UNC79: variants seen among roughly 807,000 people sequenced by gnomAD.
The protein encoded by UNC79 is protein unc-79 homolog.
Under a neutral mutation model 283.1 loss-of-function variants are expected in UNC79, and 37 were observed. The ratio of observed to expected loss-of-function variants is 0.13; its 90% confidence interval spans 0.10 to 0.17. The LOEUF (loss-of-function observed/expected upper bound fraction) is 0.17, where lower values mean the gene tolerates loss of function less well. Among genes scored for constraint, UNC79 ranks in the 10% least tolerant of loss-of-function variants. The probability of loss-of-function intolerance (pLI) is 1.00; values close to 1 mark genes in which losing one functional copy is unlikely to be tolerated. For synonymous variants in UNC79, 1,107 were observed against 1,200.2 expected (o/e 0.92, Z 1.61); for missense variants, 2,272 against 3,211.1 (o/e 0.71, Z 7.07).
At chr14:93,630,587 G>A (rs1048480795) in intron 30 of UNC79, among the ~76,000 whole-genome samples, 1 of 152,222 alleles carries the variant, frequency 6.6e-6, no homozygotes, top group African/African-American at 2.4e-5. Context: ...ATCTCCAAAA[G>A]GCAGATCCAT....
intron 1 of UNC79, among the ~76,000 whole-genome samples, chr14:93,463,035 A>G (rs985041020): frequency 6.6e-6 from 1 of 152,088 alleles, no homozygotes; most frequent in Non-Finnish European, 1.5e-5. Flanking sequence ...GAGAGAGAGG[A>G]ACAGAGTCTA....
intron 1 of UNC79, among the ~76,000 whole-genome samples, chr14:93,406,113 A>G (rs1361385721): frequency 6.6e-6 from 1 of 152,228 alleles, no homozygotes; most frequent in East Asian, 1.9e-4. Context: ...CAGTTCATTT[A>G]CAGGCTACTA....
At chr14:93,689,780 C>T (rs767215850) in intron 44 of UNC79, 7 of 225,410 alleles carry the variant, frequency 3.1e-5, no homozygotes, top group African/African-American at 1.2e-4. Flanking sequence ...TGAGCCACCG[C>T]GCCCGGCCCA....
intron 1 of UNC79, among the ~76,000 whole-genome samples, chr14:93,455,036 G>C (rs79111169): frequency 0.017 from 2,653 of 152,268 alleles, 40 homozygotes; most frequent in South Asian, 0.074. Flanking sequence ...GACTTCCCCT[G>C]TCTGCTGAAA....
At chr14:93,391,601 AT>A (rs2054884729) in intron 1 of UNC79, among the ~76,000 whole-genome samples, 1 of 152,124 alleles carries the variant, frequency 6.6e-6, no homozygotes, top group South Asian at 2.1e-4. Context: ...TGTATCTATA[AT>A]TTCTTTTTTT....
At chr14:93,545,919 G>A (rs1231743284) in intron 14 of UNC79, among the ~76,000 whole-genome samples, 2 of 152,134 alleles carry the variant, frequency 1.3e-5, no homozygotes, top group East Asian at 3.9e-4. Flanking sequence ...GGGTGGCTAG[G>A]CAGTGGATGT....
intron 41 of UNC79, among the ~76,000 whole-genome samples, chr14:93,679,030 G>A (rs2073601387): frequency 6.6e-6 from 1 of 152,024 alleles, no homozygotes; most frequent in African/African-American, 2.4e-5. Flanking sequence ...GGTTTGCTGT[G>A]GATATTTTAT....
At chr14:93,387,758 G>A (rs886948100) in intron 1 of UNC79, among the ~76,000 whole-genome samples, 1 of 152,174 alleles carries the variant, frequency 6.6e-6, no homozygotes, top group African/African-American at 2.4e-5. Context: ...AGCTCCATTT[G>A]TTCTATAGTG....
chr14:93,353,045 G>A (rs146680434), intron 1 of UNC79, among the ~76,000 whole-genome samples: 221 of 152,242 alleles, frequency 1.5e-3, no homozygotes, highest in African/African-American at 5.2e-3. Flanking sequence ...CATATGTGAT[G>A]TCAGCCTTCA....
chr14:93,528,697 T>A, intron 9 of UNC79, 51 bp downstream of exon 9: 2 of 1,548,202 alleles, frequency 1.3e-6, no homozygotes, highest in Non-Finnish European at 8.9e-7. Flanking sequence ...AATAAGAAGA[T>A]AAGAAAAATC....
intron 27 of UNC79, among the ~76,000 whole-genome samples, chr14:93,613,615 C>T (rs562834541): frequency 4.2e-4 from 64 of 152,120 alleles, no homozygotes; most frequent in Non-Finnish European, 7.7e-4. Flanking sequence ...GGGGTTTCAT[C>T]GTGTTAGCCA....
intron 47 of UNC79, among the ~76,000 whole-genome samples, chr14:93,699,345 G>A (rs1254607096): frequency 1.3e-5 from 2 of 152,046 alleles, no homozygotes; most frequent in Admixed American, 1.3e-4. Flanking sequence ...GTCTAATTAA[G>A]ATAAACTGAG....
rs757122850 is a variant in UNC79, at chr14:93,637,237, G to A, written c.5738G>A (p.Arg1913His). The change falls in exon 32 of 49, where the codon CGC becomes CAC. Residue 1913 changes from arginine (R) to histidine (H), a missense_variant. Around this residue, in one of 11 missense-constraint regions of UNC79, gnomAD observed 580 missense variants for 632.2 expected, o/e 0.92. Coordinates refer to ENST00000555664, the Ensembl canonical transcript of UNC79. ...ACAGAACAGATACAGCCTGGGAAAC[G>A]CCAGTGTAACGTGCCAACGTGCCTA... is the stretch of plus-strand genomic sequence containing the variant. 1.1e-5 allele frequency: 16 copies of A among 1,409,220 alleles called. No homozygotes were observed. The highest frequency in any genetic ancestry group is 2.8e-5 in the African/African-American group (2 of 70,954). The allele number at this position is 1,409,220 out of a possible 1,614,324, so 87.3% of individuals were successfully genotyped here.
chr14:93,456,654 C>A (rs2056804226), intron 1 of UNC79, among the ~76,000 whole-genome samples: 2 of 152,186 alleles, frequency 1.3e-5, no homozygotes, highest in South Asian at 4.1e-4. Context: ...GGGTGTTTCA[C>A]TTTCCTGCAC....
At chr14:93,496,317 A>G in intron 5 of UNC79, 94 bp from the exon 6 acceptor site, 1 of 764,708 alleles carries the variant, frequency 1.3e-6, no homozygotes, top group East Asian at 3.3e-5. Context: ...GAGACTGAAA[A>G]GTCATATTGA....
chr14:93,434,444 T>C (rs1300455011), intron 1 of UNC79, among the ~76,000 whole-genome samples: 1 of 152,164 alleles, frequency 6.6e-6, no homozygotes, highest in Non-Finnish European at 1.5e-5. Flanking sequence ...ATAGCTGATA[T>C]AGAATTTGGA....
intron 14 of UNC79, among the ~76,000 whole-genome samples, chr14:93,548,820 T>G (rs1026051622): frequency 6.6e-6 from 1 of 152,266 alleles, no homozygotes; most frequent in Non-Finnish European, 1.5e-5. Flanking sequence ...TCATCCTGAT[T>G]ATGTCTAGTA....
chr14:93,660,646 G>A (rs2071497780), intron 39 of UNC79, among the ~76,000 whole-genome samples: 1 of 149,474 alleles, frequency 6.7e-6, no homozygotes, highest in Non-Finnish European at 1.5e-5. Context: ...CTGGAGTGCA[G>A]TGATGCCAAC....
rs2055849043 is a variant in UNC79 at position 93,430,941 on chromosome 14, G to A, written c.-89G>A. On this transcript the variant is annotated 5_prime_UTR_variant, in exon 1 of 49. It removes an upstream start codon present in the reference 5' UTR. Transcript: ENST00000555664. This position sits in a 1 kb window ranked among gnomAD's most constrained non-coding sequence, Gnocchi z 4.6. ...CGAGGGGGTGGGGGGTGGGGGGTAT[G>A]CACTCTTTTCCTCGCAACATCGCTG... The A allele has an allele frequency of 2.9e-6, 2 of 686,664 alleles. No individual in the cohort carries two copies. Among genetic ancestry groups the A allele is most frequent in the East Asian group, 2.8e-5 (1 of 36,256 alleles). The allele number at this position is 686,664 out of a possible 1,614,324, so 42.5% of individuals were successfully genotyped here.
Sources: gnomAD v4.1 joint callset for allele counts (sites outside exome capture counted in the v4.1 genomes callset) on GRCh38, gnomAD v4.1.1 for gene constraint, gnomAD v4.1.1 regional missense constraint, Gnocchi (gnomAD v3.1) non-coding constraint, MANE v1.5 for transcripts, NCBI Gene and HGNC (gene_info 2026-07-23, HGNC 2026-07-21) for gene names.